Variants in CDC123 observed in about 807,000 individuals in gnomAD.
CDC123 encodes cell division cycle 123.
A neutral mutation model predicts 54.4 loss-of-function variants in CDC123; 37 were observed. That is an observed-to-expected ratio of 0.68 (90% CI 0.52 to 0.89). The LOEUF is 0.89. CDC123 is among the 40% of genes least tolerant of loss of function. CDC123 has a pLI of 0.00. For synonymous variants in CDC123, 144 were observed against 136.8 expected (o/e 1.05, Z -0.37); for missense variants, 361 against 412.1 (o/e 0.88, Z 1.07).
intron 4 of CDC123, among the ~76,000 whole-genome samples, chr10:12,212,982 A>G (rs1392345239): frequency 2.0e-5 from 3 of 152,216 alleles, no homozygotes; most frequent in African/African-American, 4.8e-5. Flanking sequence ...AGTGACATAC[A>G]TAAGTGATTA....
chr10:12,236,598 C>T (rs1000344504), intron 8 of CDC123, among the ~76,000 whole-genome samples: 2 of 143,268 alleles, frequency 1.4e-5, no homozygotes, highest in African/African-American at 2.7e-5. Context: ...GACACTGTCT[C>T]TAAAAAAAAA....
intron 9 of CDC123, among the ~76,000 whole-genome samples, chr10:12,238,256 G>C (rs1372668584): frequency 6.6e-6 from 1 of 152,210 alleles, no homozygotes; most frequent in African/African-American, 2.4e-5. Flanking sequence ...TTGGGGAACA[G>C]AGAACAGTAA....
rs1159245996 is a variant in CDC123 at position 12,242,276 on chromosome 10, G to A, written c.717+3791G>A. On this transcript the variant is annotated intron_variant, in intron 10 of 12. Transcript: ENST00000281141. ...TATCCCTCAGGTGCCCAGGTCCTTT[G>A]GGAAGCATTTCCAGCCTTCCCTCGC... is the stretch of plus-strand genomic sequence containing the variant. Among the ~76,000 whole-genome samples the A allele has an allele frequency of 2.0e-5, 3 of 152,178 alleles. No homozygotes were observed. The East Asian group carries it at 5.8e-4, about 29-fold the overall frequency.
intron 7 of CDC123, among the ~76,000 whole-genome samples, chr10:12,231,375 C>G (rs530033620): frequency 6.6e-6 from 1 of 152,268 alleles, no homozygotes; most frequent in East Asian, 1.9e-4. Context: ...GTAATCCCAG[C>G]ACTTTGAGAG....
intron 2 of CDC123, among the ~76,000 whole-genome samples, chr10:12,204,214 C>T (rs1835483343): frequency 6.6e-6 from 1 of 152,090 alleles, no homozygotes; most frequent in Admixed American, 6.6e-5. Context: ...GAACTGAGCC[C>T]ACACACTGGG....
At chr10:12,202,494 A>G (rs1413624264) in intron 2 of CDC123, among the ~76,000 whole-genome samples, 1 of 151,964 alleles carries the variant, frequency 6.6e-6, no homozygotes, top group Non-Finnish European at 1.5e-5. Flanking sequence ...CTCCAGTCCA[A>G]TTCAGTTGAC....
chr10:12,200,611 G>A lies in CDC123; in HGVS notation c.146+1835G>A, dbSNP rs992417060. ...CCCTGGCCAGATGTTTGCATGGCCT[G>A]TGGCTTAGGCAAGCACTGATGTTAA... is the stretch of plus-strand genomic sequence containing the variant. On this transcript the variant is annotated intron_variant, in intron 2 of 12. Transcript: ENST00000281141. Among the ~76,000 whole-genome samples the A allele has an allele frequency of 9.2e-5, 14 of 152,166 alleles. 1 individual carries two copies. Among genetic ancestry groups the A allele is most frequent in the Admixed American group, 8.5e-4 (13 of 15,278 alleles).
At position 12,226,660 on chromosome 10, in the gene CDC123, G is replaced by C. The variant is rs1158798855; in HGVS notation, c.441-4288G>C. 2.8e-5 allele frequency among the ~76,000 whole-genome samples: 4 copies of C among 141,518 alleles called. No homozygotes were observed. In the East Asian group the frequency reaches 5.8e-4, roughly 21 times the overall value. 92.8% of individuals were successfully genotyped at this position (141,518 alleles called of 152,430 possible). A position where few individuals can be genotyped will look rare whatever the true frequency, so the allele number is the denominator to read the frequency against. ...GCGCTCCTCACATCCCAGACGATGG[G>C]CTGCGGGGCAGAGGCGCTCCCCACA... On this transcript the variant is annotated intron_variant, in intron 6 of 12. Transcript: ENST00000281141.
In CDC123 at chr10:12,235,059, A is replaced by C; in HGVS notation, c.501A>C (p.Arg167=). ...TCTTTTGTTTACAGCTCGTTCTCCGAAAATGGTGTGAATTGATTCCTGGGG... is the reference window on the plus strand; with the variant it reads ...TCTTTTGTTTACAGCTCGTTCTCCGCAAATGGTGTGAATTGATTCCTGGGG... ...DPCIEYELVL[R]KWCELIPGAE... The change falls in exon 8 of 13, where the codon CGA becomes CGC. Residue 167 remains arginine (R), a synonymous_variant. Transcript: ENST00000281141. 6.2e-7 allele frequency: 1 copy of C among 1,613,716 alleles called. No individual in the cohort carries two copies. Among genetic ancestry groups the C allele is most frequent in the Non-Finnish European group, 8.5e-7 (1 of 1,179,684 alleles).
chr10:12,234,362 C>A (rs1039897061), intron 7 of CDC123, among the ~76,000 whole-genome samples: 2 of 152,202 alleles, frequency 1.3e-5, no homozygotes, highest in African/African-American at 2.4e-5. Flanking sequence ...GGATTACAGG[C>A]ACCCGCCACC....
chr10:12,224,528 A>G (rs1418455870), intron 6 of CDC123, among the ~76,000 whole-genome samples: 1 of 152,106 alleles, frequency 6.6e-6, no homozygotes, highest in Non-Finnish European at 1.5e-5. Flanking sequence ...TGTAACATTT[A>G]TTACTTAATC....
chr10:12,197,757 C>G (rs1835384106), intron 1 of CDC123, among the ~76,000 whole-genome samples: 1 of 151,830 alleles, frequency 6.6e-6, no homozygotes, highest in Non-Finnish European at 1.5e-5. Context: ...TGCTCTGTCG[C>G]CCAAGCTGGA....
At chr10:12,248,202 T>C (rs1836184870) in intron 11 of CDC123, among the ~76,000 whole-genome samples, 1 of 152,190 alleles carries the variant, frequency 6.6e-6, no homozygotes, top group Non-Finnish European at 1.5e-5. Flanking sequence ...GTGAGCATTT[T>C]ATATCTTTTA....
intron 6 of CDC123, among the ~76,000 whole-genome samples, chr10:12,224,564 C>A (rs1011297098): frequency 6.6e-6 from 1 of 151,980 alleles, no homozygotes; most frequent in Non-Finnish European, 1.5e-5. Flanking sequence ...TTAGAATTTT[C>A]ATAGCTTGCT....
At chr10:12,214,611 G>A (rs902316956) in intron 4 of CDC123, among the ~76,000 whole-genome samples, 1 of 152,148 alleles carries the variant, frequency 6.6e-6, no homozygotes, top group Non-Finnish European at 1.5e-5. Flanking sequence ...CTAGCCTTTT[G>A]CTCAAAGCTG....
At position 12,196,240 on chromosome 10, in the gene CDC123, T is replaced by C. The variant is rs201353624; in HGVS notation, c.-6T>C. 1 of 1,613,846 alleles carries C rather than the reference T, an allele frequency of 6.2e-7. No homozygotes were observed. Among genetic ancestry groups the C allele is most frequent in the South Asian group, 1.1e-5 (1 of 91,064 alleles). On this transcript the variant is annotated 5_prime_UTR_variant, in exon 1 of 13. Transcript: ENST00000281141. ...AGGGAAAGGCAGCAGCGGCGGCAGC[T>C]GGAGGATGAAGAAGGAGCATGTGCT...
chr10:12,234,621 T>C (rs1835954251), intron 7 of CDC123, among the ~76,000 whole-genome samples: 1 of 152,162 alleles, frequency 6.6e-6, no homozygotes, highest in Non-Finnish European at 1.5e-5. Flanking sequence ...GTGGTGTGCT[T>C]GTATGTCAGA....
chr10:12,226,570 T>A (rs1164294330), intron 6 of CDC123, among the ~76,000 whole-genome samples: 3 of 146,008 alleles, frequency 2.1e-5, no homozygotes, highest in Admixed American at 1.4e-4. Context: ...ACTCCTCAGT[T>A]CCCAGACAGC....
intron 7 of CDC123, among the ~76,000 whole-genome samples, chr10:12,232,726 A>G (rs959217699): frequency 1.3e-5 from 2 of 152,036 alleles, no homozygotes; most frequent in African/African-American, 4.8e-5. Flanking sequence ...ACATCTGTCT[A>G]TTAAGTACCT....
Sources: gnomAD v4.1 joint callset for allele counts (sites outside exome capture counted in the v4.1 genomes callset) on GRCh38, gnomAD v4.1.1 for gene constraint, MANE v1.5 for transcripts, NCBI Gene and HGNC (gene_info 2026-07-23, HGNC 2026-07-21) for gene names.